The following SPIDR variants were observed in gnomAD, a reference collection of about 807,000 sequenced individuals.
The protein encoded by SPIDR is scaffold protein involved in DNA repair, also known as DNA repair-scaffolding protein.
A neutral mutation model predicts 104.6 loss-of-function variants in SPIDR; 93 were observed. That is an observed-to-expected ratio of 0.89 (90% confidence interval 0.75 to 1.06). SPIDR has a LOEUF of 1.06. Among genes scored for constraint, SPIDR ranks in the 50% least tolerant of loss-of-function variants. SPIDR has a pLI of 0.00. For missense variants in SPIDR, 1,154 were observed against 1,111.2 expected (o/e 1.04, Z -0.55); for synonymous variants, 431 against 416.9 (o/e 1.03, Z -0.41).
At chr8:47,705,332 G>A (rs527583165) in intron 14 of SPIDR, among the ~76,000 whole-genome samples, 1 of 152,274 alleles carries the variant, frequency 6.6e-6, no homozygotes, top group East Asian at 1.9e-4. Context: ...GGCTTCCAGT[G>A]GGCATGTGTG....
chr8:47,725,802 A>G (rs1227803773), intron 16 of SPIDR, among the ~76,000 whole-genome samples: 2 of 152,224 alleles, frequency 1.3e-5, no homozygotes, highest in Admixed American at 1.3e-4. Context: ...TATTTCCTCA[A>G]CTCTTGCCTT....
At chr8:47,277,524 C>A (rs1326562352) in intron 1 of SPIDR, among the ~76,000 whole-genome samples, 2 of 151,334 alleles carry the variant, frequency 1.3e-5, no homozygotes, top group African/African-American at 2.4e-5. Flanking sequence ...CATTCCCACC[C>A]CTGCTAATTT....
At chr8:47,567,420 TGTTG>T (rs2058008469) in intron 8 of SPIDR, among the ~76,000 whole-genome samples, 1 of 151,922 alleles carries the variant, frequency 6.6e-6, no homozygotes, top group Non-Finnish European at 1.5e-5. Context: ...GGTTTCTCCA[TGTTG>T]GTCAGGCAGG....
chr8:47,708,725 A>G (rs957241157), intron 14 of SPIDR, among the ~76,000 whole-genome samples: 2 of 152,096 alleles, frequency 1.3e-5, no homozygotes, highest in African/African-American at 4.8e-5. Flanking sequence ...TACCATCTCC[A>G]TAGTTTTGCC....
intron 8 of SPIDR, chr8:47,511,768 G>T: frequency 7.7e-7 from 1 of 1,299,864 alleles, no homozygotes; most frequent in Non-Finnish European, 1.1e-6. Context: ...ATGCTCTTTG[G>T]CACCTTTAAA....
At chr8:47,717,058 T>TG (rs966373073) in intron 16 of SPIDR, among the ~76,000 whole-genome samples, 1 of 152,208 alleles carries the variant, frequency 6.6e-6, no homozygotes, top group Non-Finnish European at 1.5e-5. Flanking sequence ...AGCTGCTCTT[T>TG]GGTGTACAGC....
At chr8:47,723,861 TC>T (rs1372840658) in intron 16 of SPIDR, among the ~76,000 whole-genome samples, 2 of 152,090 alleles carry the variant, frequency 1.3e-5, no homozygotes, top group East Asian at 3.8e-4. Context: ...ATCAGAGTGT[TC>T]CTGATTTCTT....
At chr8:47,681,573 G>C (rs921506445) in intron 11 of SPIDR, among the ~76,000 whole-genome samples, 1 of 152,082 alleles carries the variant, frequency 6.6e-6, no homozygotes, top group Non-Finnish European at 1.5e-5. Context: ...AATAGAGATC[G>C]TGACTTATTT....
rs2041956528 is a variant in SPIDR, at chr8:47,300,871, TG to T, written c.525+6842del. Among the ~76,000 whole-genome samples the T allele has an allele frequency of 3.3e-5, 5 of 152,318 alleles. No homozygotes were observed. The South Asian group carries it at 1.0e-3, about 32-fold the overall frequency. On this transcript the variant is annotated intron_variant, in intron 5 of 19. Transcript: ENST00000297423. ...CTGAGGAGTGCTTTACTTCCAAATA[TG>T]TGGTCAATTTGGAATAGGTGTGGTG... is the stretch of plus-strand genomic sequence containing the variant.
intron 10 of SPIDR, chr8:47,659,838 C>CT (rs1348037552): frequency 1.5e-5 from 9 of 603,038 alleles, no homozygotes; most frequent in Non-Finnish European, 1.9e-5. Flanking sequence ...TCTTTAGAGG[C>CT]TGCTTAAGTT....
intron 10 of SPIDR, among the ~76,000 whole-genome samples, chr8:47,613,738 G>T (rs1370656234): frequency 6.6e-6 from 1 of 152,174 alleles, no homozygotes; most frequent in Non-Finnish European, 1.5e-5. Context: ...AATGACTGAT[G>T]ATGAGCTTCT....
At chr8:47,555,025 C>T (rs1190273342) in intron 8 of SPIDR, among the ~76,000 whole-genome samples, 2 of 152,066 alleles carry the variant, frequency 1.3e-5, no homozygotes, top group Non-Finnish European at 2.9e-5. Flanking sequence ...TTTCCTAAAT[C>T]TTAGTCTTGA....
chr8:47,322,563 T>G (rs1014529399), intron 5 of SPIDR, among the ~76,000 whole-genome samples: 58 of 152,276 alleles, frequency 3.8e-4, no homozygotes, highest in African/African-American at 1.3e-3. Context: ...AGAAATACCA[T>G]TTGACCCAGC....
At chr8:47,708,693 C>A (rs1339186502) in intron 14 of SPIDR, among the ~76,000 whole-genome samples, 1 of 152,198 alleles carries the variant, frequency 6.6e-6, no homozygotes, top group Non-Finnish European at 1.5e-5. Context: ...CCCCACAAAT[C>A]CCTGGCAAAC....
chr8:47,548,935 A>C (rs1267057262), intron 8 of SPIDR, among the ~76,000 whole-genome samples: 4 of 152,066 alleles, frequency 2.6e-5, no homozygotes, highest in Non-Finnish European at 1.5e-5. Context: ...CTACCCCATG[A>C]CATGTCCCAG....
chr8:47,536,429 C>A (rs2086929072), intron 8 of SPIDR, among the ~76,000 whole-genome samples: 1 of 152,018 alleles, frequency 6.6e-6, no homozygotes, highest in Non-Finnish European at 1.5e-5. Context: ...AAAGAATAGC[C>A]AAATAGGTCA....
chr8:47,488,938 G>A (rs573676395), intron 8 of SPIDR, among the ~76,000 whole-genome samples: 26 of 152,216 alleles, frequency 1.7e-4, no homozygotes, highest in Non-Finnish European at 2.9e-4. Context: ...TTGAAAACTC[G>A]CACAAGACAG....
chr8:47,507,257 G>A (rs1410649168), intron 8 of SPIDR, among the ~76,000 whole-genome samples: 1 of 152,160 alleles, frequency 6.6e-6, no homozygotes, highest in Non-Finnish European at 1.5e-5. Context: ...CTTTCAGTTG[G>A]GTCAGATAGT....
chr8:47,312,612 G>A (rs2044420362), intron 5 of SPIDR, among the ~76,000 whole-genome samples: 1 of 152,052 alleles, frequency 6.6e-6, no homozygotes, highest in South Asian at 2.1e-4. Context: ...TGTAGATTCT[G>A]GATATTAGCC....
Sources: gnomAD v4.1 joint callset for allele counts (sites outside exome capture counted in the v4.1 genomes callset) on GRCh38, gnomAD v4.1.1 for gene constraint, MANE v1.5 for transcripts, NCBI Gene and HGNC (gene_info 2026-07-23, HGNC 2026-07-21) for gene names.